Variants in FAM169A observed in about 807,000 individuals in gnomAD.
FAM169A encodes the protein family with sequence similarity 169 member A.
In FAM169A, 24 loss-of-function variants were observed where a neutral mutation model predicts 75.7. The observed-to-expected ratio is 0.32, with a 90% CI of 0.23 to 0.45. The LOEUF is 0.45. FAM169A is among the 20% of genes least tolerant of loss of function. FAM169A has a pLI of 1.00. For missense variants in FAM169A, 673 were observed against 784.0 expected, an observed-to-expected ratio of 0.86 and a Z score of 1.69; for synonymous variants, 271 against 271.0, an observed-to-expected ratio of 1.00 and a Z score of 0.00.
At chr5:74,833,710 A>G (rs1167731393) in intron 5 of FAM169A, among the ~76,000 whole-genome samples, 1 of 152,226 alleles carries the variant, frequency 6.6e-6, no homozygotes, top group East Asian at 1.9e-4. Context: ...CTTTTGGTCA[A>G]GGTACAAAAC....
chr5:74,817,382 A>G (rs1032723832), intron 5 of FAM169A, among the ~76,000 whole-genome samples: 2 of 152,158 alleles, frequency 1.3e-5, no homozygotes, highest in African/African-American at 4.8e-5. Flanking sequence ...TATAAAAATC[A>G]TTTGTATTTC....
At chr5:74,824,504 C>T (rs950899654) in intron 5 of FAM169A, among the ~76,000 whole-genome samples, 8 of 152,130 alleles carry the variant, frequency 5.3e-5, no homozygotes, top group Non-Finnish European at 1.0e-4. Flanking sequence ...TAGTCCTTAT[C>T]ATTCCAGGCT....
At chr5:74,837,844 G>A (rs144063986) in intron 4 of FAM169A, among the ~76,000 whole-genome samples, 5 of 152,024 alleles carry the variant, frequency 3.3e-5, no homozygotes, top group East Asian at 1.9e-4. Flanking sequence ...TTGGCTGGGC[G>A]TGGTGGCTTA....
At position 74,866,357 on chromosome 5, in the gene FAM169A, C is replaced by T. The variant is rs548446282; in HGVS notation, c.-196G>A. ...GCTCCTCGTCGCGGGTCGGCCGCGG[C>T]CCACCGTGCCCTCCGACGACGTGAC... is the stretch of plus-strand genomic sequence containing the variant. On this transcript the variant is annotated 5_prime_UTR_variant, in exon 1 of 13. Coordinates refer to ENST00000687041, the MANE Select transcript of FAM169A (RefSeq NM_001376049.1). 58 of 984,398 alleles carry T rather than the reference C, an allele frequency of 5.9e-5. No homozygotes were observed. In the South Asian group the frequency reaches 2.3e-3, roughly 40 times the overall value. The allele number at this position is 984,398 out of a possible 1,614,324, so 61.0% of individuals were successfully genotyped here.
chr5:74,843,883 C>A (rs191255963), intron 1 of FAM169A, among the ~76,000 whole-genome samples: 1 of 152,264 alleles, frequency 6.6e-6, no homozygotes, highest in East Asian at 1.9e-4. Flanking sequence ...TCTATATACC[C>A]AGGCTAACCA....
chr5:74,812,982 A>T (rs182736421), intron 6 of FAM169A, among the ~76,000 whole-genome samples: 84 of 152,354 alleles, frequency 5.5e-4, no homozygotes, highest in African/African-American at 2.0e-3. Context: ...AATATTATTC[A>T]GTCATAAAAA....
chr5:74,819,970 A>G (rs1479031154), intron 5 of FAM169A, among the ~76,000 whole-genome samples: 2 of 134,716 alleles, frequency 1.5e-5, no homozygotes, highest in Admixed American at 7.4e-5. Flanking sequence ...CTGTGAATGT[A>G]TTTTTAAAAA....
intron 4 of FAM169A, among the ~76,000 whole-genome samples, chr5:74,834,999 TA>T (rs34697673): frequency 3.2e-3 from 419 of 131,060 alleles, no homozygotes; most frequent in Non-Finnish European, 3.5e-3. Flanking sequence ...TCTCCACATT[TA>T]AAAAAAAAAA....
At chr5:74,822,149 C>G (rs1414732460) in intron 5 of FAM169A, among the ~76,000 whole-genome samples, 1 of 152,198 alleles carries the variant, frequency 6.6e-6, no homozygotes, top group East Asian at 1.9e-4. Context: ...ACAGGCTACA[C>G]AAGGATGTAA....
intron 1 of FAM169A, among the ~76,000 whole-genome samples, chr5:74,842,420 CAAAAAAAAAAAAAAAAA>C (rs56653446): frequency 1.5e-3 from 34 of 22,476 alleles, no homozygotes; most frequent in Admixed American, 0.015. Flanking sequence ...GACTCTATCA[CAAAAAAAAAAAAAAAAA>C]AAAAAAAAAA....
chr5:74,838,525 C>CGAGGTTGG (rs1294314985), intron 4 of FAM169A, among the ~76,000 whole-genome samples: 1 of 152,150 alleles, frequency 6.6e-6, no homozygotes, highest in Non-Finnish European at 1.5e-5. Context: ...ATAACCCTGC[C>CGAGGTTGG]GAGGTTGGAA....
rs1490215062 is a variant in FAM169A, at chr5:74,779,775, C to T, written c.*1685G>A. ...GTTCAAAATCTAACACAAATAGGAGCGTTTACTATTTTTGTCTGCTTTAAG... is the reference window on the plus strand; with the variant it reads ...GTTCAAAATCTAACACAAATAGGAGTGTTTACTATTTTTGTCTGCTTTAAG... On this transcript the variant is annotated 3_prime_UTR_variant, in exon 13 of 13. Coordinates refer to ENST00000687041, the MANE Select transcript of FAM169A (RefSeq NM_001376049.1). 6.6e-5 allele frequency: 10 copies of T among 152,134 alleles called. No individual in the cohort carries two copies. The South Asian group carries it at 1.2e-3, about 19-fold the overall frequency. The allele number at this position is 152,134 out of a possible 1,614,324, so 9.4% of individuals were successfully genotyped here.
At position 74,855,805 on chromosome 5, in the gene FAM169A, T is replaced by C. The variant is rs149454936; in HGVS notation, c.-4+10360A>G. Among the ~76,000 whole-genome samples, 366 of 152,378 alleles carry C rather than the reference T, an allele frequency of 2.4e-3. 5 individuals carry two copies. Among genetic ancestry groups the C allele is most frequent in the Admixed American group, 3.0e-3 (46 of 15,306 alleles). On this transcript the variant is annotated intron_variant, in intron 1 of 12. Transcript: ENST00000687041. Reference sequence around the variant, plus strand: ...AACTTGACATGATCCCACTTATCCATTTCTGCTTTGATTGCCTGTCTTGTG... The same window carrying C: ...AACTTGACATGATCCCACTTATCCACTTCTGCTTTGATTGCCTGTCTTGTG...
At chr5:74,801,361 T>C (rs544178286) in intron 9 of FAM169A, among the ~76,000 whole-genome samples, 49 of 152,310 alleles carry the variant, frequency 3.2e-4, no homozygotes, top group African/African-American at 1.2e-3. Context: ...ACCATCCCTA[T>C]TTTATAGCTA....
In FAM169A at chr5:74,866,334, T is replaced by C. The variant is rs531854707; in HGVS notation, c.-173A>G. The C allele has an allele frequency of 1.6e-3, 1,548 of 983,458 alleles. 11 individuals are homozygous for C. The African/African-American group carries it at 0.017, about 11-fold the overall frequency. 60.9% of individuals were successfully genotyped at this position (983,458 alleles called of 1,614,324 possible). A position where few individuals can be genotyped will look rare whatever the true frequency, so the allele number is the denominator to read the frequency against. On this transcript the variant is annotated 5_prime_UTR_variant, in exon 1 of 13. Coordinates refer to ENST00000687041, the MANE Select transcript of FAM169A (RefSeq NM_001376049.1). ...CTCCCGCTCGCCCCGGACGCCCGGCTCCTCGTCGCGGGTCGGCCGCGGCCC... is the reference window on the plus strand; with the variant it reads ...CTCCCGCTCGCCCCGGACGCCCGGCCCCTCGTCGCGGGTCGGCCGCGGCCC...
At chr5:74,802,815 T>C (rs973503903) in intron 8 of FAM169A, among the ~76,000 whole-genome samples, 4 of 152,066 alleles carry the variant, frequency 2.6e-5, no homozygotes, top group African/African-American at 9.7e-5. Context: ...TGATAAATCA[T>C]ATGACAAATA....
chr5:74,855,736 T>G (rs1749674461), intron 1 of FAM169A, among the ~76,000 whole-genome samples: 1 of 152,364 alleles, frequency 6.6e-6, no homozygotes, highest in Non-Finnish European at 1.5e-5. Flanking sequence ...TTCTGTGGGT[T>G]GTCTCTTCAC....
intron 1 of FAM169A, among the ~76,000 whole-genome samples, chr5:74,857,599 AAAAAAC>A (rs1749790263): frequency 6.7e-6 from 1 of 149,308 alleles, no homozygotes. Context: ...AAAAAAAAAA[AAAAAAC>A]TTCCCTTAAA....
intron 1 of FAM169A, among the ~76,000 whole-genome samples, chr5:74,860,671 A>G (rs912079215): frequency 1.7e-4 from 26 of 152,076 alleles, no homozygotes; most frequent in Middle Eastern, 3.4e-3. Flanking sequence ...ACTAGACAGG[A>G]TAAGATTTCT....
Sources: gnomAD v4.1 joint callset for allele counts (sites outside exome capture counted in the v4.1 genomes callset) on GRCh38, gnomAD v4.1.1 for gene constraint, MANE v1.5 for transcripts, NCBI Gene and HGNC (gene_info 2026-07-23, HGNC 2026-07-21) for gene names.